PTPRD: variants seen among roughly 807,000 people sequenced by gnomAD.
PTPRD encodes the protein receptor-type tyrosine-protein phosphatase delta.
In PTPRD, 34 loss-of-function variants were observed where a neutral mutation model predicts 214.5. That is an observed-to-expected ratio of 0.16 (90% confidence interval 0.12 to 0.21). The LOEUF (loss-of-function observed/expected upper bound fraction) is 0.21, where lower values mean the gene tolerates loss of function less well. PTPRD is among the 10% of genes least tolerant of loss of function. The pLI is 1.00. For synonymous variants in PTPRD, 1,128 were observed against 845.7 expected (o/e 1.33, Z -5.79); for missense variants, 2,545 against 2,398.7 (o/e 1.06, Z -1.27).
chr9:8,703,574 A>T (rs2098135757), intron 12 of PTPRD, among the ~76,000 whole-genome samples: 1 of 152,124 alleles, frequency 6.6e-6, no homozygotes, highest in African/African-American at 2.4e-5. Flanking sequence ...ATTTTCCTCC[A>T]ACTCTATTGT....
intron 14 of PTPRD, among the ~76,000 whole-genome samples, chr9:8,547,946 C>T (rs995412184): frequency 6.6e-6 from 1 of 152,122 alleles, no homozygotes; most frequent in African/African-American, 2.4e-5. Context: ...TTGCTCAGCA[C>T]CTGACAGCTG....
chr9:8,798,445 C>T (rs1169869767), intron 11 of PTPRD, among the ~76,000 whole-genome samples: 2 of 152,040 alleles, frequency 1.3e-5, no homozygotes, highest in Admixed American at 1.3e-4. Flanking sequence ...CTGGCCTAAG[C>T]ACAATAAATC....
At chr9:8,511,465 G>A (rs1167944652) in intron 21 of PTPRD, among the ~76,000 whole-genome samples, 1 of 151,186 alleles carries the variant, frequency 6.6e-6, no homozygotes, top group Non-Finnish European at 1.5e-5. Flanking sequence ...CCAGTCCTTT[G>A]TCTATGTATA....
chr9:9,877,516 C>T (rs2067230288), intron 5 of PTPRD, among the ~76,000 whole-genome samples: 1 of 151,966 alleles, frequency 6.6e-6, no homozygotes, highest in African/African-American at 2.4e-5. Context: ...TTTCATGACT[C>T]CTATGATCAA....
chr9:10,438,005 C>CTATATA (rs1180134707), intron 2 of PTPRD, among the ~76,000 whole-genome samples: 4 of 110,656 alleles, frequency 3.6e-5, no homozygotes, highest in South Asian at 2.9e-4. Context: ...CTCCCTAAGT[C>CTATATA]TACATATATA....
intron 5 of PTPRD, among the ~76,000 whole-genome samples, chr9:9,913,844 C>G (rs1165941652): frequency 1.3e-5 from 2 of 152,276 alleles, no homozygotes; most frequent in East Asian, 3.9e-4. Context: ...CCTCCCATTC[C>G]CTGCCATTAG....
chr9:8,541,670 GTGTT>G (rs552588125), intron 14 of PTPRD, among the ~76,000 whole-genome samples: 148 of 152,110 alleles, frequency 9.7e-4, no homozygotes, highest in South Asian at 3.7e-3. Context: ...CCCAGCCTTT[GTGTT>G]TGTTTGTGTT....
chr9:8,834,906 G>A (rs1216135368), intron 11 of PTPRD, among the ~76,000 whole-genome samples: 1 of 152,218 alleles, frequency 6.6e-6, no homozygotes, highest in Non-Finnish European at 1.5e-5. Flanking sequence ...TACGCAGGCA[G>A]CTTAGTGAGT....
chr9:9,403,460 A>G (rs1277978546), intron 8 of PTPRD, among the ~76,000 whole-genome samples: 2 of 146,686 alleles, frequency 1.4e-5, no homozygotes, highest in Admixed American at 1.4e-4. Context: ...TATCCGAAGT[A>G]AGATGCACTC....
chr9:9,135,228 A>C (rs777362445), intron 10 of PTPRD, among the ~76,000 whole-genome samples: 20 of 152,252 alleles, frequency 1.3e-4, no homozygotes, highest in Non-Finnish European at 2.4e-4. Flanking sequence ...CTTTCAACTC[A>C]GAAGATTTTA....
At chr9:8,924,333 A>G (rs962866969) in intron 11 of PTPRD, among the ~76,000 whole-genome samples, 7 of 152,216 alleles carry the variant, frequency 4.6e-5, no homozygotes, top group African/African-American at 1.7e-4. Context: ...ATAGTTCCTC[A>G]GCTCTCTTCT....
chr9:9,835,260 C>A (rs2056411942), intron 5 of PTPRD, among the ~76,000 whole-genome samples: 1 of 152,068 alleles, frequency 6.6e-6, no homozygotes. Flanking sequence ...GCCACTTGTG[C>A]CTCTGCCATG....
At chr9:9,063,350 T>C (rs1281918255) in intron 10 of PTPRD, among the ~76,000 whole-genome samples, 1 of 152,126 alleles carries the variant, frequency 6.6e-6, no homozygotes, top group African/African-American at 2.4e-5. Flanking sequence ...AATAGCAGAA[T>C]GATGATTTAG....
intron 44 of PTPRD, 106 bp downstream of exon 44, chr9:8,331,476 T>A (rs1840991700): frequency 1.5e-6 from 2 of 1,305,368 alleles, no homozygotes; most frequent in South Asian, 2.8e-5. Flanking sequence ...TGTAATACAT[T>A]GCCAAGAATA....
chr9:9,935,609 C>T (rs2088964939), intron 5 of PTPRD, among the ~76,000 whole-genome samples: 1 of 151,074 alleles, frequency 6.6e-6, no homozygotes, highest in Admixed American at 6.6e-5. Flanking sequence ...ATTCCATGCT[C>T]ATGGGTAGGA....
chr9:8,780,585 T>A (rs2095655414), intron 11 of PTPRD, among the ~76,000 whole-genome samples: 1 of 152,176 alleles, frequency 6.6e-6, no homozygotes, highest in Non-Finnish European at 1.5e-5. Context: ...GGTGCTTTTA[T>A]TCTCTCTGTG....
At chr9:10,268,970 A>C (rs112320629) in intron 3 of PTPRD, among the ~76,000 whole-genome samples, 373 of 152,086 alleles carry the variant, frequency 2.5e-3, no homozygotes, top group African/African-American at 8.3e-3. Context: ...ATCGAATGTC[A>C]GTAGCGCCCT....
chr9:8,915,649 T>C (rs111975279), intron 11 of PTPRD, among the ~76,000 whole-genome samples: 55 of 152,222 alleles, frequency 3.6e-4, no homozygotes, highest in East Asian at 2.1e-3. Context: ...GTCAGCAGGA[T>C]TGAGACCAAG....
chr9:9,686,360 T>TTA (rs2097167569), intron 7 of PTPRD, among the ~76,000 whole-genome samples: 1 of 151,458 alleles, frequency 6.6e-6, no homozygotes, highest in African/African-American at 2.4e-5. Context: ...ATCATTTCAA[T>TTA]TACGCACTTC....
Sources: allele counts gnomAD v4.1 joint callset (sites outside exome capture counted in the v4.1 genomes callset), GRCh38; gene constraint gnomAD v4.1.1; transcripts MANE v1.5; gene names NCBI Gene and HGNC (gene_info 2026-07-23, HGNC 2026-07-21).